CEP57L1: variants seen among roughly 807,000 people sequenced by gnomAD.
CEP57L1 encodes centrosomal protein CEP57L1.
CEP57L1 carries 37 observed loss-of-function variants against 61.0 expected under a neutral mutation model. That is an observed-to-expected ratio of 0.61 (90% confidence interval 0.47 to 0.80). The LOEUF (loss-of-function observed/expected upper bound fraction) is 0.80. Ranked by LOEUF, CEP57L1 falls within the 30% of genes least tolerant of loss-of-function variation. The pLI is 0.00. For synonymous variants in CEP57L1, 137 were observed against 162.3 expected (o/e 0.84, Z 1.19); for missense variants, 422 against 524.7 (o/e 0.80, Z 1.91).
intron 1 of CEP57L1, among the ~76,000 whole-genome samples, chr6:109,105,104 A>T (rs974233840): frequency 3.3e-5 from 5 of 151,946 alleles, no homozygotes; most frequent in Non-Finnish European, 7.4e-5. Flanking sequence ...TTGTTTCTGT[A>T]TTTCAGATAC....
At chr6:109,113,994 G>T (rs1478051669) in intron 1 of CEP57L1, among the ~76,000 whole-genome samples, 1 of 151,928 alleles carries the variant, frequency 6.6e-6, no homozygotes, top group Non-Finnish European at 1.5e-5. Flanking sequence ...CTTGGCTATT[G>T]TGAATAATGC....
In CEP57L1 at chr6:109,165,068, C is replaced by T. The variant is rs570267384; in HGVS notation, c.*2098C>T. On this transcript the variant is annotated 3_prime_UTR_variant, in exon 11 of 11. Coordinates refer to ENST00000517392, the MANE Select transcript of CEP57L1 (RefSeq NM_001271852.3). ...ACTCCAGCCTGGTGACACAGCAAGACTCTGTCTCAAAAAAAAAAAAAAAAA... is the reference window on the plus strand; with the variant it reads ...ACTCCAGCCTGGTGACACAGCAAGATTCTGTCTCAAAAAAAAAAAAAAAAA... Among the ~76,000 whole-genome samples the T allele has an allele frequency of 7.5e-5, 11 of 146,950 alleles. No homozygotes were observed. In the East Asian group the frequency reaches 2.2e-3, roughly 29 times the overall value.
intron 7 of CEP57L1, chr6:109,158,042 A>G (rs780748708): frequency 6.6e-6 from 1 of 152,348 alleles, no homozygotes; most frequent in Non-Finnish European, 1.5e-5. Flanking sequence ...CAAGAATGTT[A>G]TATAAATGGA....
chr6:109,157,988 T>C (rs1379103774), intron 7 of CEP57L1: 1 of 152,334 alleles, frequency 6.6e-6, no homozygotes, highest in African/African-American at 2.4e-5. Context: ...TCCCTGAACA[T>C]TGGCAACCTC....
In CEP57L1 at chr6:109,153,615, T is replaced by A. The variant is rs114355380; in HGVS notation, c.463-218T>A. ...GAAAAAAAAAATTAAATTTAAATTTTAAAAATTATGACTTTAAGGTTGAAA... is the reference window on the plus strand; with the variant it reads ...GAAAAAAAAAATTAAATTTAAATTTAAAAAATTATGACTTTAAGGTTGAAA... On this transcript the variant is annotated intron_variant, in intron 4 of 10. Coordinates refer to ENST00000517392, the MANE Select transcript of CEP57L1 (RefSeq NM_001271852.3). 7.5e-3 allele frequency among the ~76,000 whole-genome samples: 1,144 copies of A among 152,258 alleles called. 17 individuals are homozygous for A. Among genetic ancestry groups the A allele is most frequent in the African/African-American group, 0.026 (1,095 of 41,538 alleles).
chr6:109,120,905 GACACACGCACACACAC>G (rs1202983183), intron 1 of CEP57L1, among the ~76,000 whole-genome samples: 52 of 128,298 alleles, frequency 4.1e-4, no homozygotes, highest in African/African-American at 1.5e-3. Flanking sequence ...CCTATACTTA[GACACACGCACACACAC>G]ACACACACAC....
chr6:109,141,800 C>T (rs1771415387), intron 1 of CEP57L1, among the ~76,000 whole-genome samples: 1 of 151,912 alleles, frequency 6.6e-6, no homozygotes, highest in African/African-American at 2.4e-5. Flanking sequence ...TGTGTTTGCT[C>T]TTAAGGTAAG....
intron 1 of CEP57L1, among the ~76,000 whole-genome samples, chr6:109,101,998 G>A (rs1408328734): frequency 1.3e-5 from 2 of 152,136 alleles, no homozygotes; most frequent in Non-Finnish European, 2.9e-5. Flanking sequence ...CCCCACCTTT[G>A]CCAGGATTTG....
chr6:109,158,388 CA>C (rs1773418165), intron 7 of CEP57L1: 1 of 280,974 alleles, frequency 3.6e-6, no homozygotes, highest in Admixed American at 5.0e-5. Flanking sequence ...ACTCGGGAGA[CA>C]AAAGCAGGAG....
chr6:109,144,349 T>C (rs1771736758), intron 1 of CEP57L1, among the ~76,000 whole-genome samples: 1 of 152,186 alleles, frequency 6.6e-6, no homozygotes, highest in African/African-American at 2.4e-5. Flanking sequence ...GTGTAATTCT[T>C]GGATTTCCAT....
chr6:109,101,359 G>A (rs189957267), intron 1 of CEP57L1, among the ~76,000 whole-genome samples: 1 of 152,122 alleles, frequency 6.6e-6, no homozygotes, highest in Admixed American at 6.5e-5. Context: ...GTCTTTATAT[G>A]TATGGCTTGG....
intron 1 of CEP57L1, among the ~76,000 whole-genome samples, chr6:109,128,372 C>T (rs1420267667): frequency 6.6e-6 from 1 of 152,112 alleles, no homozygotes; most frequent in African/African-American, 2.4e-5. Flanking sequence ...GTAGCAGATT[C>T]GTAAGTTCTT....
intron 1 of CEP57L1, among the ~76,000 whole-genome samples, chr6:109,129,096 A>G (rs760854698): frequency 6.6e-6 from 1 of 152,280 alleles, no homozygotes; most frequent in East Asian, 1.9e-4. Context: ...GCTACTCGGG[A>G]GGCTGAGGCA....
chr6:109,164,744 T>A lies in CEP57L1; in HGVS notation c.*1774T>A, dbSNP rs1414173472. ...GCTGAATATATTTAGTTATTAATAA[T>A]TCATTACTTGTGAAAAGGTATTGCT... On this transcript the variant is annotated 3_prime_UTR_variant, in exon 11 of 11. Coordinates refer to ENST00000517392, the MANE Select transcript of CEP57L1 (RefSeq NM_001271852.3). Among the ~76,000 whole-genome samples, 1 of 152,136 alleles carries A rather than the reference T, an allele frequency of 6.6e-6. No homozygotes were observed. The highest frequency in any genetic ancestry group is 6.6e-5 in the Admixed American group (1 of 15,260).
Position 109,118,035 on chromosome 6 carries a change from AGTT to A in CEP57L1, c.-4+22473_-4+22475del, listed in dbSNP as rs571304552. ...GGTGCATTTTAAGTAAAATGTATATAGTTGTTGTTGTTGTTTTTGAGACGGAGT... is the reference window on the plus strand; with the variant it reads ...GGTGCATTTTAAGTAAAATGTATATAGTTGTTGTTGTTTTTGAGACGGAGT... On this transcript the variant is annotated intron_variant, in intron 1 of 10. Transcript: ENST00000517392. 2.7e-3 allele frequency among the ~76,000 whole-genome samples: 417 copies of A among 152,284 alleles called. 2 individuals are homozygous for A. Among genetic ancestry groups the A allele is most frequent in the African/African-American group, 9.4e-3 (389 of 41,568 alleles).
Position 109,167,387 on chromosome 6 carries a change from C to T in CEP57L1, c.*4417C>T, listed in dbSNP as rs1302190247. On this transcript the variant is annotated 3_prime_UTR_variant, in exon 11 of 11. Transcript: ENST00000517392. ...TTCTCCATATTGATATAGATGGATCCATTTCCCATTTGGGGCTGAGCACTG... is the reference window on the plus strand; with the variant it reads ...TTCTCCATATTGATATAGATGGATCTATTTCCCATTTGGGGCTGAGCACTG... Among the ~76,000 whole-genome samples, 1 of 151,578 alleles carries T rather than the reference C, an allele frequency of 6.6e-6. No homozygotes were observed. The highest frequency in any genetic ancestry group is 1.5e-5 in the Non-Finnish European group (1 of 67,870).
At chr6:109,098,674 A>G (rs191031652) in intron 1 of CEP57L1, among the ~76,000 whole-genome samples, 62 of 151,914 alleles carry the variant, frequency 4.1e-4, no homozygotes, top group Non-Finnish European at 1.2e-4. Context: ...TTGTAGAGAC[A>G]GGATCTCACT....
In CEP57L1 at chr6:109,155,868, A is replaced by G. The variant is rs1773168484; in HGVS notation, c.735A>G (p.Lys245=). ...TAAAGCACTCCAAGGAAAAGAAGAA[A>G]TCTTCAAAGGTGTGCATATAAAATT... ...SNLKHSKEKK[K]SSKKTKCIKR... is the part of the protein sequence containing the mutation. Residue 245 remains lysine (K), a synonymous_variant, in exon 7 of 11, where the codon AAA becomes AAG. Transcript: ENST00000517392. The G allele has an allele frequency of 1.3e-6, 2 of 1,564,344 alleles. No homozygotes were observed. The highest frequency in any genetic ancestry group is 4.5e-5 in the East Asian group (2 of 44,232).
intron 1 of CEP57L1, among the ~76,000 whole-genome samples, chr6:109,128,674 T>G (rs900117057): frequency 2.0e-5 from 3 of 152,246 alleles, no homozygotes; most frequent in African/African-American, 7.2e-5. Flanking sequence ...ATGGCCCTTA[T>G]GCATTTTTAG....
Sources: allele counts gnomAD v4.1 joint callset (sites outside exome capture counted in the v4.1 genomes callset), GRCh38; gene constraint gnomAD v4.1.1; transcripts MANE v1.5; gene names NCBI Gene and HGNC (gene_info 2026-07-23, HGNC 2026-07-21).